SPAG16: variants seen among roughly 807,000 people sequenced by gnomAD.
SPAG16 encodes the protein sperm-associated antigen 16 protein.
In SPAG16, 86 loss-of-function variants were observed where a neutral mutation model predicts 80.4. The observed-to-expected ratio is 1.07, with a 90% CI of 0.90 to 1.28. The LOEUF is 1.28. Among genes scored for constraint, SPAG16 ranks in the 50% most tolerant of loss-of-function variants. The pLI, the probability that SPAG16 is intolerant of heterozygous loss-of-function variation, is 0.00. For synonymous variants in SPAG16, 294 were observed against 265.9 expected, an observed-to-expected ratio of 1.11 and a Z score of -1.03; for missense variants, 870 against 765.3, an observed-to-expected ratio of 1.14 and a Z score of -1.61.
At chr2:213,573,707 T>G (rs2060011516) in intron 10 of SPAG16, among the ~76,000 whole-genome samples, 1 of 152,330 alleles carries the variant, frequency 6.6e-6, no homozygotes, top group African/African-American at 2.4e-5. Flanking sequence ...TTCTACTATT[T>G]TTGGAGTTTG....
intron 10 of SPAG16, among the ~76,000 whole-genome samples, chr2:213,491,368 GAACTTCAGAC>G (rs2074226904): frequency 6.6e-6 from 1 of 152,092 alleles, no homozygotes; most frequent in Non-Finnish European, 1.5e-5. Context: ...TCTAAAATAA[GAACTTCAGAC>G]AACTTCAGAT....
Position 214,410,335 on chromosome 2 carries a change from C to T in SPAG16, c.*20C>T. On this transcript the variant is annotated 3_prime_UTR_variant, in exon 16 of 16. Transcript: ENST00000331683. ...TCTTGACCGTCAGCACATCCCGCTG[C>T]AGAGGGCATTCCCTTTAAGGCTTGA... 1 of 1,575,656 alleles carries T rather than the reference C, an allele frequency of 6.3e-7. No homozygotes were observed. Among genetic ancestry groups the T allele is most frequent in the Non-Finnish European group, 8.7e-7 (1 of 1,152,556 alleles).
intron 7 of SPAG16, among the ~76,000 whole-genome samples, chr2:213,357,660 G>C (rs1321789134): frequency 1.3e-5 from 2 of 152,162 alleles, no homozygotes; most frequent in African/African-American, 2.4e-5. Flanking sequence ...CTCTGCACAT[G>C]AGATGGGTCT....
At chr2:213,604,311 C>T (rs902902030) in intron 10 of SPAG16, among the ~76,000 whole-genome samples, 1 of 152,124 alleles carries the variant, frequency 6.6e-6, no homozygotes, top group Non-Finnish European at 1.5e-5. Flanking sequence ...CTGTTTTTTA[C>T]AGAACTCTTA....
chr2:213,350,383 T>C, intron 6 of SPAG16, 145 bp from the exon 7 acceptor site: 2 of 471,248 alleles, frequency 4.2e-6, no homozygotes, highest in Admixed American at 7.9e-5. Context: ...TTGTGCTTCT[T>C]GGCTGTAGTG....
At chr2:213,647,890 T>C (rs1303120021) in intron 10 of SPAG16, among the ~76,000 whole-genome samples, 3 of 152,184 alleles carry the variant, frequency 2.0e-5, no homozygotes, top group African/African-American at 4.8e-5. Context: ...CTTCAATTCA[T>C]TGGCTCCCTT....
chr2:213,478,026 A>G (rs2073516077), intron 9 of SPAG16, among the ~76,000 whole-genome samples: 1 of 152,052 alleles, frequency 6.6e-6, no homozygotes, highest in Admixed American at 6.6e-5. Context: ...ACAAGATCTG[A>G]TGGTTTTAGA....
At chr2:213,305,568 G>C (rs1211373794) in intron 3 of SPAG16, among the ~76,000 whole-genome samples, 1 of 152,052 alleles carries the variant, frequency 6.6e-6, no homozygotes, top group Non-Finnish European at 1.5e-5. Context: ...TATCATGAAG[G>C]GATGTTGAAT....
chr2:213,367,489 T>C (rs1470755908), intron 8 of SPAG16, among the ~76,000 whole-genome samples: 1 of 152,284 alleles, frequency 6.6e-6, no homozygotes, highest in Admixed American at 6.5e-5. Context: ...TTCTAACTGG[T>C]GTGAGATGGT....
At chr2:213,925,100 A>C (rs1294674686) in intron 11 of SPAG16, among the ~76,000 whole-genome samples, 1 of 151,574 alleles carries the variant, frequency 6.6e-6, no homozygotes, top group Non-Finnish European at 1.5e-5. Context: ...TCTCTTCTTA[A>C]TAGCACATGA....
intron 10 of SPAG16, among the ~76,000 whole-genome samples, chr2:213,620,295 T>G (rs1026671784): frequency 2.3e-5 from 3 of 129,682 alleles, no homozygotes; most frequent in Admixed American, 1.5e-4. Flanking sequence ...TTTTTTTTTT[T>G]TTTTTTTTTT....
At chr2:214,127,833 C>G (rs1381960156) in intron 14 of SPAG16, among the ~76,000 whole-genome samples, 1 of 151,760 alleles carries the variant, frequency 6.6e-6, no homozygotes, top group Non-Finnish European at 1.5e-5. Flanking sequence ...TTTCAAAACT[C>G]TTTATAAAAG....
chr2:214,205,071 A>T (rs1303934980), intron 15 of SPAG16, among the ~76,000 whole-genome samples: 1 of 152,162 alleles, frequency 6.6e-6, no homozygotes, highest in African/African-American at 2.4e-5. Context: ...TCTACTAAAA[A>T]TACAAAAATT....
intron 12 of SPAG16, among the ~76,000 whole-genome samples, chr2:213,954,796 A>C (rs1392109831): frequency 6.6e-6 from 1 of 152,192 alleles, no homozygotes; most frequent in African/African-American, 2.4e-5. Flanking sequence ...CCAATTCTCC[A>C]CATTGTTGCT....
At chr2:213,322,347 AAAAAAAAAAC>A (rs1396685008) in intron 5 of SPAG16, among the ~76,000 whole-genome samples, 23 of 119,798 alleles carry the variant, frequency 1.9e-4, no homozygotes, top group South Asian at 1.6e-3. Context: ...AAAAAAAAAA[AAAAAAAAAAC>A]AAAAAACTCG....
At chr2:213,455,275 T>C (rs1304042133) in intron 9 of SPAG16, among the ~76,000 whole-genome samples, 3 of 152,218 alleles carry the variant, frequency 2.0e-5, no homozygotes, top group African/African-American at 7.2e-5. Context: ...GTAGCTTAAC[T>C]TCAAAATTCA....
intron 11 of SPAG16, among the ~76,000 whole-genome samples, chr2:213,876,083 G>C (rs1188830982): frequency 2.0e-5 from 3 of 152,004 alleles, no homozygotes; most frequent in African/African-American, 7.2e-5. Context: ...TTCCCCAGTA[G>C]AGAGTTTACT....
chr2:214,104,685 A>G (rs778129200), intron 13 of SPAG16, among the ~76,000 whole-genome samples: 1 of 152,200 alleles, frequency 6.6e-6, no homozygotes, highest in Non-Finnish European at 1.5e-5. Flanking sequence ...GAAGATCAAA[A>G]TAGACAGTTG....
intron 10 of SPAG16, among the ~76,000 whole-genome samples, chr2:213,825,775 T>G (rs529241331): frequency 6.7e-6 from 1 of 150,192 alleles, no homozygotes. Flanking sequence ...ACTCATATAA[T>G]GGGTTCGGAA....
Sources: gnomAD v4.1 joint callset for allele counts (sites outside exome capture counted in the v4.1 genomes callset) on GRCh38, gnomAD v4.1.1 for gene constraint, MANE v1.5 for transcripts, NCBI Gene and HGNC (gene_info 2026-07-23, HGNC 2026-07-21) for gene names.